The following AFG2A variants were observed in gnomAD, a reference collection of about 807,000 sequenced individuals.
AFG2A encodes the protein AAA ATPase AFG2A, also known as ATPase family gene 2 protein homolog A.
At chr4:123,136,926 A>T in the AFG2A span, among the ~76,000 whole-genome samples, 1 of 152,092 alleles carries the variant, frequency 6.6e-6, no homozygotes, top group East Asian at 1.9e-4. Context: ...AGTGGTCCCC[A>T]ACCTTTTTGG....
chr4:123,283,186 C>T, the AFG2A span, among the ~76,000 whole-genome samples: 14 of 151,828 alleles, frequency 9.2e-5, no homozygotes, highest in South Asian at 4.2e-4. Context: ...CATTGTGCTG[C>T]GAATGATGTT....
chr4:123,267,869 A>C, the AFG2A span, among the ~76,000 whole-genome samples: 1 of 151,978 alleles, frequency 6.6e-6, no homozygotes, highest in Non-Finnish European at 1.5e-5. Flanking sequence ...GCCTAAACAT[A>C]AGTTTACACA....
the AFG2A span, among the ~76,000 whole-genome samples, chr4:122,938,924 G>A: frequency 1.3e-5 from 2 of 151,880 alleles, no homozygotes; most frequent in Non-Finnish European, 1.5e-5. Context: ...AATGTCATGA[G>A]TAAGTCTTAT....
chr4:122,927,151 G>A, the AFG2A span, among the ~76,000 whole-genome samples: 1 of 152,142 alleles, frequency 6.6e-6, no homozygotes, highest in African/African-American at 2.4e-5. Flanking sequence ...TAAGGAAGAC[G>A]ACTTCTGTTA....
At chr4:123,222,393 A>G in the AFG2A span, among the ~76,000 whole-genome samples, 4 of 152,150 alleles carry the variant, frequency 2.6e-5, no homozygotes, top group Admixed American at 1.3e-4. Flanking sequence ...TTAAACACTA[A>G]TATTCTGGTA....
chr4:122,962,854 A>G, the AFG2A span, among the ~76,000 whole-genome samples: 10 of 152,196 alleles, frequency 6.6e-5, no homozygotes, highest in African/African-American at 2.2e-4. Flanking sequence ...CACAGTTCAC[A>G]CCATCATCAG....
the AFG2A span, among the ~76,000 whole-genome samples, chr4:123,063,848 T>C: frequency 2.0e-5 from 3 of 152,220 alleles, no homozygotes; most frequent in Non-Finnish European, 4.4e-5. Flanking sequence ...CTTTACTGTC[T>C]TGCTCATGCT....
chr4:123,112,793 CT>C, the AFG2A span, among the ~76,000 whole-genome samples: 2 of 151,732 alleles, frequency 1.3e-5, no homozygotes, highest in Non-Finnish European at 2.9e-5. Context: ...TATGTGCTTT[CT>C]TTTCTTGATA....
the AFG2A span, among the ~76,000 whole-genome samples, chr4:123,114,483 A>G: frequency 6.6e-6 from 1 of 152,220 alleles, no homozygotes; most frequent in South Asian, 2.1e-4. Flanking sequence ...TCCATAGTCC[A>G]GAAGGGCCAA....
chr4:123,111,340 C>T, the AFG2A span, among the ~76,000 whole-genome samples: 2 of 152,044 alleles, frequency 1.3e-5, no homozygotes, highest in Admixed American at 6.5e-5. Flanking sequence ...TTTTGGACAC[C>T]CCTCGTATTT....
At chr4:123,181,708 G>T in the AFG2A span, among the ~76,000 whole-genome samples, 1 of 152,112 alleles carries the variant, frequency 6.6e-6, no homozygotes, top group Non-Finnish European at 1.5e-5. Flanking sequence ...GGCTGTTTTG[G>T]GGCCTAGTTC....
chr4:123,205,167 G>T, the AFG2A span, among the ~76,000 whole-genome samples: 1 of 151,784 alleles, frequency 6.6e-6, no homozygotes, highest in Non-Finnish European at 1.5e-5. Context: ...ATTTTTATTT[G>T]TGTTTCATCA....
chr4:122,924,398 G>A, the AFG2A span, among the ~76,000 whole-genome samples: 6,775 of 152,126 alleles, frequency 0.045, 297 homozygotes, highest in South Asian at 0.15. Context: ...ACTGTTCCTG[G>A]TGTGGTCTCC....
the AFG2A span, among the ~76,000 whole-genome samples, chr4:123,153,003 TAAC>T: frequency 4.6e-5 from 7 of 152,334 alleles, no homozygotes; most frequent in Admixed American, 3.3e-4. Context: ...ATCTTCCCAA[TAAC>T]AACCACATGT....
the AFG2A span, among the ~76,000 whole-genome samples, chr4:123,267,962 T>C: frequency 1.3e-5 from 2 of 152,058 alleles, no homozygotes; most frequent in African/African-American, 4.8e-5. Context: ...ATATTTAAAC[T>C]GATCATGGCT....
At chr4:123,033,569 A>G in the AFG2A span, among the ~76,000 whole-genome samples, 5 of 152,216 alleles carry the variant, frequency 3.3e-5, no homozygotes, top group East Asian at 3.8e-4. Context: ...GGAAAGGGCA[A>G]TCACAGCCAA....
the AFG2A span, among the ~76,000 whole-genome samples, chr4:122,971,908 G>T: frequency 3.3e-5 from 5 of 151,970 alleles, no homozygotes; most frequent in African/African-American, 9.7e-5. Context: ...TTAATGTATT[G>T]ATCTTTTGGC....
chr4:123,184,449 A>G, the AFG2A span, among the ~76,000 whole-genome samples: 5 of 150,910 alleles, frequency 3.3e-5, no homozygotes, highest in Non-Finnish European at 7.4e-5. Context: ...CTTTTGCCCA[A>G]TGTTTTGGAA....
the AFG2A span, among the ~76,000 whole-genome samples, chr4:122,956,054 T>C: frequency 6.6e-6 from 1 of 152,252 alleles, no homozygotes; most frequent in African/African-American, 2.4e-5. Flanking sequence ...TAGAGACTTT[T>C]TGACTTTCTA....
Sources: gnomAD v4.1 joint callset for allele counts (sites outside exome capture counted in the v4.1 genomes callset) on GRCh38, gnomAD v4.1.1 for gene constraint, MANE v1.5 for transcripts, NCBI Gene and HGNC (gene_info 2026-07-23, HGNC 2026-07-21) for gene names.